Variants in TIGAR observed in about 807,000 individuals in gnomAD.
TIGAR encodes TP53 induced glycolysis regulatory phosphatase, also known as fructose-2,6-bisphosphatase TIGAR.
A neutral mutation model predicts 17.9 loss-of-function variants in TIGAR; 7 were observed. The observed-to-expected ratio is 0.39, with a 90% CI of 0.22 to 0.73. TIGAR has a LOEUF of 0.73. Ranked by LOEUF, TIGAR falls within the 30% of genes least tolerant of loss-of-function variation. The pLI, the probability that TIGAR is intolerant of heterozygous loss-of-function variation, is 0.42. For synonymous variants in TIGAR, 94 were observed against 108.6 expected (o/e 0.87, Z 0.84); for missense variants, 258 against 327.4 (o/e 0.79, Z 1.64).
In TIGAR at chr12:4,354,508, A is replaced by G. The variant is rs1864874076; in HGVS notation, c.*1817A>G. 2 of 151,948 alleles carry G rather than the reference A, an allele frequency of 1.3e-5. No individual in the cohort carries two copies. The highest frequency in any genetic ancestry group is 4.2e-4 in the South Asian group (2 of 4,810). The allele number at this position is 151,948 out of a possible 1,614,324, so 9.4% of individuals were successfully genotyped here. On this transcript the variant is annotated 3_prime_UTR_variant, in exon 6 of 6. Transcript: ENST00000179259. Reference sequence around the variant, plus strand: ...TGCTTGCAATGTTCATCTGTTCCTTATATTTTCACCTAGTGTCTGGAAGGA... The same window carrying G: ...TGCTTGCAATGTTCATCTGTTCCTTGTATTTTCACCTAGTGTCTGGAAGGA...
At chr12:4,339,093 G>A (rs1054547275) in intron 3 of TIGAR, among the ~76,000 whole-genome samples, 2 of 150,854 alleles carry the variant, frequency 1.3e-5, no homozygotes, top group Admixed American at 6.6e-5. Context: ...AAATTGAAAT[G>A]AAGACTCCAA....
chr12:4,352,818 A>T lies in TIGAR; in HGVS notation c.*127A>T. The T allele has an allele frequency of 6.3e-6, 5 of 794,602 alleles. No homozygotes were observed. The highest frequency in any genetic ancestry group is 9.7e-6 in the Non-Finnish European group (5 of 514,464). 49.2% of individuals were successfully genotyped at this position (794,602 alleles called of 1,614,324 possible). ...AAAAGCCAATTTTTAGCTCCAGTGG[A>T]ACCATAGCCACATAAAACTTTAATG... is the stretch of plus-strand genomic sequence containing the variant. On this transcript the variant is annotated 3_prime_UTR_variant, in exon 6 of 6. Transcript: ENST00000179259.
intron 2 of TIGAR, among the ~76,000 whole-genome samples, chr12:4,336,275 C>T (rs2884524): frequency 0.12 from 18,157 of 152,206 alleles, 1,227 homozygotes; most frequent in South Asian, 0.22. Flanking sequence ...TTAGTCCTCC[C>T]GCTTGCCGTC....
rs554256935 is a variant in TIGAR at position 4,357,917 on chromosome 12, C to T, written c.*5226C>T. 1.1e-4 allele frequency among the ~76,000 whole-genome samples: 16 copies of T among 151,052 alleles called. No individual in the cohort carries two copies. Among genetic ancestry groups the T allele is most frequent in the South Asian group, 6.3e-4 (3 of 4,764 alleles). ...AGGAGATAGAGACCATCCTGGCTAACACAGTGAAACCTCGTCTCCACTGAA... is the reference window on the plus strand; with the variant it reads ...AGGAGATAGAGACCATCCTGGCTAATACAGTGAAACCTCGTCTCCACTGAA... On this transcript the variant is annotated 3_prime_UTR_variant, in exon 6 of 6. Coordinates refer to ENST00000179259, the MANE Select transcript of TIGAR (RefSeq NM_020375.3).
At position 4,357,652 on chromosome 12, in the gene TIGAR, C is replaced by G. The variant is rs879683605; in HGVS notation, c.*4961C>G. 1.3e-5 allele frequency among the ~76,000 whole-genome samples: 2 copies of G among 152,124 alleles called. No individual in the cohort carries two copies. Among genetic ancestry groups the G allele is most frequent in the Non-Finnish European group, 2.9e-5 (2 of 68,020 alleles). On this transcript the variant is annotated 3_prime_UTR_variant, in exon 6 of 6. Transcript: ENST00000179259. ...GCTTTAAAAACTTTAGGATTTCCCC[C>G]CACAGTTCTCAATCACTTGGTTCAT...
chr12:4,355,633 A>G lies in TIGAR; in HGVS notation c.*2942A>G, dbSNP rs1486940297. Among the ~76,000 whole-genome samples, 2 of 152,248 alleles carry G rather than the reference A, an allele frequency of 1.3e-5. No individual in the cohort carries two copies. The highest frequency in any genetic ancestry group is 2.9e-5 in the Non-Finnish European group (2 of 68,036). On this transcript the variant is annotated 3_prime_UTR_variant, in exon 6 of 6. Coordinates refer to ENST00000179259, the MANE Select transcript of TIGAR (RefSeq NM_020375.3). ...ACACACATGCCAGGCTATTTTAAGA[A>G]CTACTACAACTATGATAAAGCTGTG...
chr12:4,332,984 A>G (rs1864620078), intron 2 of TIGAR, among the ~76,000 whole-genome samples: 1 of 152,022 alleles, frequency 6.6e-6, no homozygotes, highest in East Asian at 1.9e-4. Flanking sequence ...TTTGGTTTCT[A>G]TGTTCTGCTT....
intron 3 of TIGAR, among the ~76,000 whole-genome samples, chr12:4,344,317 A>G (rs1241375394): frequency 1.1e-4 from 17 of 152,220 alleles, no homozygotes; most frequent in Middle Eastern, 3.2e-3. Flanking sequence ...AGCTGGTACC[A>G]TTCCTTCTGA....
At chr12:4,348,149 C>T (rs1387890185) in intron 3 of TIGAR, among the ~76,000 whole-genome samples, 1 of 151,730 alleles carries the variant, frequency 6.6e-6, no homozygotes, top group Admixed American at 6.6e-5. Flanking sequence ...AAAAAAAGTC[C>T]CTTTAAAAAA....
chr12:4,335,193 A>G (rs1319801587), intron 2 of TIGAR, among the ~76,000 whole-genome samples: 4 of 152,154 alleles, frequency 2.6e-5, no homozygotes, highest in African/African-American at 7.2e-5. Context: ...GTGCTCCACC[A>G]TGCCCAGCTA....
intron 3 of TIGAR, among the ~76,000 whole-genome samples, chr12:4,343,407 C>T (rs913064938): frequency 5.3e-5 from 8 of 152,186 alleles, no homozygotes; most frequent in African/African-American, 1.7e-4. Flanking sequence ...CAGAACTCTC[C>T]ACCCCAAATC....
At chr12:4,342,504 C>T (rs1031794884) in intron 3 of TIGAR, among the ~76,000 whole-genome samples, 2 of 152,176 alleles carry the variant, frequency 1.3e-5, no homozygotes, top group Non-Finnish European at 2.9e-5. Context: ...AGGTTACCCA[C>T]AAAGGGAACC....
Position 4,355,069 on chromosome 12 carries a change from G to A in TIGAR, c.*2378G>A, listed in dbSNP as rs2120701599. ...TTTAATATGTGTTCTTAATTTTTAA[G>A]ACAAACCAATATACCTTATCCTTTA... On this transcript the variant is annotated 3_prime_UTR_variant, in exon 6 of 6. Coordinates refer to ENST00000179259, the MANE Select transcript of TIGAR (RefSeq NM_020375.3). 6.6e-6 allele frequency among the ~76,000 whole-genome samples: 1 copy of A among 152,020 alleles called. No individual in the cohort carries two copies. The highest frequency in any genetic ancestry group is 2.1e-4 in the South Asian group (1 of 4,806).
At chr12:4,345,504 G>A (rs1864769984) in intron 3 of TIGAR, among the ~76,000 whole-genome samples, 1 of 152,160 alleles carries the variant, frequency 6.6e-6, no homozygotes. Context: ...AACAAGAAAT[G>A]GGGAAAGGAT....
chr12:4,347,441 A>G (rs1024938407), intron 3 of TIGAR, among the ~76,000 whole-genome samples: 2 of 152,200 alleles, frequency 1.3e-5, no homozygotes, highest in African/African-American at 4.8e-5. Context: ...GGGGATGGTT[A>G]ATGGGTACAA....
At chr12:4,346,427 A>C (rs1320391474) in intron 3 of TIGAR, among the ~76,000 whole-genome samples, 1 of 152,192 alleles carries the variant, frequency 6.6e-6, no homozygotes, top group East Asian at 1.9e-4. Flanking sequence ...ATGCAGCCAT[A>C]AAAAAGGATG....
intron 3 of TIGAR, among the ~76,000 whole-genome samples, chr12:4,343,076 G>T (rs942803104): frequency 1.1e-4 from 17 of 152,086 alleles, no homozygotes; most frequent in African/African-American, 3.9e-4. Context: ...AAAAAGGCAG[G>T]GGTTGCAGTT....
rs1026391510 is a variant in TIGAR at position 4,357,467 on chromosome 12, T to G, written c.*4776T>G. Among the ~76,000 whole-genome samples the G allele has an allele frequency of 2.6e-5, 4 of 152,190 alleles. No homozygotes were observed. The highest frequency in any genetic ancestry group is 9.7e-5 in the African/African-American group (4 of 41,444). ...TACCAGTTTGGAAATTGAATGGGGC[T>G]CCTAGAAAACATCCTTGTTTCATGT... On this transcript the variant is annotated 3_prime_UTR_variant, in exon 6 of 6. Coordinates refer to ENST00000179259, the MANE Select transcript of TIGAR (RefSeq NM_020375.3).
rs530679632 is a variant in TIGAR, at chr12:4,359,879, C to T, written c.*7188C>T. Among the ~76,000 whole-genome samples the T allele has an allele frequency of 4.0e-3, 612 of 152,252 alleles. 6 individuals are homozygous for T. Among genetic ancestry groups the T allele is most frequent in the African/African-American group, 0.013 (555 of 41,566 alleles). Reference sequence around the variant, plus strand: ...TGCCAACATTTGTTATTATCAGTTTCTAAAATTTTAGCCATTCTGATTGTT... The same window carrying T: ...TGCCAACATTTGTTATTATCAGTTTTTAAAATTTTAGCCATTCTGATTGTT... On this transcript the variant is annotated 3_prime_UTR_variant, in exon 6 of 6. Coordinates refer to ENST00000179259, the MANE Select transcript of TIGAR (RefSeq NM_020375.3).
Sources: gnomAD v4.1 joint callset for allele counts (sites outside exome capture counted in the v4.1 genomes callset) on GRCh38, gnomAD v4.1.1 for gene constraint, MANE v1.5 for transcripts, NCBI Gene and HGNC (gene_info 2026-07-23, HGNC 2026-07-21) for gene names.